Variants in SPINK5 observed in about 807,000 individuals in gnomAD.
SPINK5 encodes serine protease inhibitor Kazal-type 5.
A neutral mutation model predicts 151.8 loss-of-function variants in SPINK5; 125 were observed. That is an observed-to-expected ratio of 0.82 (90% confidence interval 0.71 to 0.96). The LOEUF is 0.96. SPINK5 is among the 40% of genes least tolerant of loss of function. The pLI is 0.00. For missense variants in SPINK5, 1,194 were observed against 1,291.9 expected, an observed-to-expected ratio of 0.92 and a Z score of 1.16; for synonymous variants, 374 against 395.3, an observed-to-expected ratio of 0.95 and a Z score of 0.64.
At position 148,081,049 on chromosome 5, in the gene SPINK5, C is replaced by G. The variant is rs558780103; in HGVS notation, c.283-5356C>G. Among the ~76,000 whole-genome samples the G allele has an allele frequency of 2.0e-5, 3 of 151,604 alleles. No individual in the cohort carries two copies. The South Asian group carries it at 6.2e-4, about 32-fold the overall frequency. On this transcript the variant is annotated intron_variant, in intron 4 of 32. Transcript: ENST00000256084. ...AACACCGTTATTATTTAGGCAAATG[C>G]TAATTAAAACCACAATGGTGTATCA...
chr5:148,065,166 C>T (rs1368708265), intron 1 of SPINK5, among the ~76,000 whole-genome samples, 181 bp from the exon 2 acceptor site: 1 of 152,064 alleles, frequency 6.6e-6, no homozygotes, highest in Non-Finnish European at 1.5e-5. Flanking sequence ...ATATACTAAT[C>T]TCCTGGTCCA....
At chr5:148,114,221 T>G in intron 20 of SPINK5, 141 bp from the exon 21 acceptor site, 1 of 955,696 alleles carries the variant, frequency 1.0e-6, no homozygotes, top group Non-Finnish European at 1.5e-6. Flanking sequence ...TTAATATAAA[T>G]TGAACACTAT....
intron 4 of SPINK5, among the ~76,000 whole-genome samples, chr5:148,085,369 T>G (rs1290954711): frequency 6.6e-6 from 1 of 151,992 alleles, no homozygotes; most frequent in African/African-American, 2.4e-5. Flanking sequence ...TATTTTGCAA[T>G]GTGATATTCT....
intron 4 of SPINK5, among the ~76,000 whole-genome samples, chr5:148,073,743 T>C (rs574388134): frequency 6.7e-4 from 101 of 150,420 alleles, no homozygotes; most frequent in Non-Finnish European, 1.2e-3. Context: ...TTTAATAAAG[T>C]AGGAGTTTTA....
At chr5:148,100,265 ATTTTTTCCT>A in intron 12 of SPINK5, among the ~76,000 whole-genome samples, 180 bp from the exon 13 acceptor site, 2 of 151,922 alleles carry the variant, frequency 1.3e-5, no homozygotes, top group Non-Finnish European at 2.9e-5. Context: ...GCTATGTTTT[ATTTTTTCCT>A]ATCTCTTGGC....
At chr5:148,090,975 G>C in intron 7 of SPINK5, 190 bp from the exon 8 acceptor site, 1 of 588,192 alleles carries the variant, frequency 1.7e-6, no homozygotes, top group Admixed American at 3.0e-5. Context: ...AGCTATTGCC[G>C]TCTTTCTTTC....
chr5:148,128,189 C>T (rs984198098), intron 30 of SPINK5, among the ~76,000 whole-genome samples: 9 of 150,530 alleles, frequency 6.0e-5, no homozygotes, highest in East Asian at 2.0e-4. Context: ...ATCAGGGATC[C>T]GAAGGCATGG....
chr5:148,084,281 A>G (rs1753096604), intron 4 of SPINK5, among the ~76,000 whole-genome samples: 1 of 151,838 alleles, frequency 6.6e-6, no homozygotes, highest in African/African-American at 2.4e-5. Flanking sequence ...TCTGGTGAGT[A>G]TAAGGATAGA....
At chr5:148,078,132 A>AGAGCAGGATTGGCTATATTAATATGT (rs1752931396) in intron 4 of SPINK5, among the ~76,000 whole-genome samples, 2 of 151,116 alleles carry the variant, frequency 1.3e-5, no homozygotes, top group African/African-American at 2.4e-5. Context: ...TAACCGTAAG[A>AGAGCAGGATTGGCTATATTAATATGT]GAGCAGGATT....
chr5:148,117,302 T>C (rs1459359613), intron 22 of SPINK5, among the ~76,000 whole-genome samples: 1 of 152,230 alleles, frequency 6.6e-6, no homozygotes. Flanking sequence ...GATAGACATT[T>C]TGTGTGTCTT....
At chr5:148,077,280 C>A (rs6864564) in intron 4 of SPINK5, among the ~76,000 whole-genome samples, 91,646 of 150,194 alleles carry the variant, frequency 0.61, 28,193 homozygotes, top group East Asian at 0.79. Context: ...AAAGCTGGCC[C>A]CTCATCTAAA....
At chr5:148,133,431 C>T (rs1189941186) in intron 31 of SPINK5, among the ~76,000 whole-genome samples, 2 of 152,082 alleles carry the variant, frequency 1.3e-5, no homozygotes, top group African/African-American at 4.8e-5. Flanking sequence ...TATATTTTTC[C>T]CCAGGTCGTA....
rs569828389 is a variant in SPINK5 at position 148,119,009 on chromosome 5, A to G, written c.2264A>G (p.Asn755Ser). The G allele has an allele frequency of 2.5e-6, 4 of 1,613,962 alleles. No individual in the cohort carries two copies. Among genetic ancestry groups the G allele is most frequent in the Non-Finnish European group, 3.4e-6 (4 of 1,179,966 alleles). The change falls in exon 24 of 33, where the codon AAT becomes AGT. Residue 755 changes from asparagine (N) to serine (S), a missense_variant. Transcript: ENST00000256084. ...AKLEREAERKNEYSRSRSNGT... is the reference protein window; with the variant it reads ...AKLEREAERKSEYSRSRSNGT... ...AGGGAAAGAGAAGCAGAGAGAAAAA[A>G]TGAGTATTCTCGCTCCAGATCAAAT...
At chr5:148,085,023 C>G (rs1247254520) in intron 4 of SPINK5, among the ~76,000 whole-genome samples, 3 of 151,438 alleles carry the variant, frequency 2.0e-5, no homozygotes, top group Non-Finnish European at 4.4e-5. Flanking sequence ...GCTTCACAGT[C>G]CAGAAGAGTG....
At chr5:148,101,232 T>A in intron 13 of SPINK5, 123 bp from the exon 14 acceptor site, 2 of 741,232 alleles carry the variant, frequency 2.7e-6, no homozygotes, top group Non-Finnish European at 4.8e-6. Flanking sequence ...AGCACAGGGT[T>A]AGGCACATCA....
At chr5:148,095,778 G>T (rs1179660128) in intron 9 of SPINK5, 40 bp from the exon 10 acceptor site, 1 of 1,517,164 alleles carries the variant, frequency 6.6e-7, no homozygotes, top group Admixed American at 1.7e-5. Flanking sequence ...GTAACATGAA[G>T]ATCGGAAGCA....
rs778739792 is a variant in SPINK5 at position 148,100,618 on chromosome 5, T to C, written c.1220+37T>C. The C allele has an allele frequency of 2.5e-6, 4 of 1,609,374 alleles. No homozygotes were observed. The South Asian group carries it at 3.3e-5, about 13-fold the overall frequency. ...TGCAGCTGGGAACATGGAGGAATGA[T>C]TTTGTTCTTTCTATTTCATTTCCAT... On this transcript the variant is annotated intron_variant, in intron 13 of 32. Coordinates refer to ENST00000256084, the MANE Select transcript of SPINK5 (RefSeq NM_006846.4).
At chr5:148,094,544 G>A (rs1201653132) in intron 9 of SPINK5, 63 bp downstream of exon 9, 7 of 1,609,440 alleles carry the variant, frequency 4.3e-6, no homozygotes, top group Non-Finnish European at 5.9e-6. Flanking sequence ...TGATTGGATT[G>A]ATGAGTAAAA....
chr5:148,130,985 G>A lies in SPINK5; in HGVS notation c.2965-274G>A, dbSNP rs1163304065. 4.6e-5 allele frequency among the ~76,000 whole-genome samples: 7 copies of A among 152,126 alleles called. No homozygotes were observed. In the East Asian group the frequency reaches 1.4e-3, roughly 29 times the overall value. On this transcript the variant is annotated intron_variant, in intron 30 of 32. Transcript: ENST00000256084. ...GATTTCTTCTTATGGGCAGGTAATT[G>A]TGTCACATATTATAAAGGATATTTG...
Sources: gnomAD v4.1 joint callset for allele counts (sites outside exome capture counted in the v4.1 genomes callset) on GRCh38, gnomAD v4.1.1 for gene constraint, MANE v1.5 for transcripts, NCBI Gene and HGNC (gene_info 2026-07-23, HGNC 2026-07-21) for gene names.